LMF1: variants seen among roughly 807,000 people sequenced by gnomAD.
The protein encoded by LMF1 is lipase maturation factor 1.
LMF1 carries 68 observed loss-of-function variants against 60.6 expected under a neutral mutation model. The observed-to-expected ratio is 1.12, with a 90% CI of 0.92 to 1.37. The LOEUF is 1.37. Among genes scored for constraint, LMF1 ranks in the 40% most tolerant of loss-of-function variants. The probability of loss-of-function intolerance (pLI) is 0.00; values close to 1 mark genes in which losing one functional copy is unlikely to be tolerated. For synonymous variants in LMF1, 418 were observed against 324.7 expected, an observed-to-expected ratio of 1.29 and a Z score of -3.09; for missense variants, 948 against 767.2, an observed-to-expected ratio of 1.24 and a Z score of -2.78.
chr16:945,525 C>CAAA lies in LMF1; in HGVS notation c.503+8829_503+8831dup, dbSNP rs72449666. 7.7e-5 allele frequency among the ~76,000 whole-genome samples: 11 copies of CAAA among 143,548 alleles called. No individual in the cohort carries two copies. The South Asian group carries it at 8.8e-4, about 12-fold the overall frequency. 94.2% of individuals were successfully genotyped at this position (143,548 alleles called of 152,430 possible). A position where few individuals can be genotyped will look rare whatever the true frequency, so the allele number is the denominator to read the frequency against. ...TGGGTGACAGAGCAAGAGGCTGTCTCAAAAAAAAAAGAAAAAAGTTCAGCT... is the reference window on the plus strand; with the variant it reads ...TGGGTGACAGAGCAAGAGGCTGTCTCAAAAAAAAAAAAAGAAAAAAGTTCAGCT... On this transcript the variant is annotated intron_variant, in intron 2 of 10. Transcript: ENST00000262301.
intron 1 of LMF1, among the ~76,000 whole-genome samples, chr16:969,227 A>C (rs2072988787): frequency 6.6e-6 from 1 of 152,178 alleles, no homozygotes; most frequent in South Asian, 2.1e-4. Flanking sequence ...AGGCAGGAGA[A>C]TCGCTTGAAC....
intron 3 of LMF1, among the ~76,000 whole-genome samples, chr16:930,375 G>T (rs542224229): frequency 6.6e-6 from 1 of 152,336 alleles, no homozygotes; most frequent in East Asian, 1.9e-4. Context: ...ACCAGCCTGG[G>T]CAGCACAGTG....
Position 874,934 on chromosome 16 carries a change from G to C in LMF1, c.898-3593C>G, listed in dbSNP as rs1247881449. ...CACCCTCTGCCCTGTACGCCTGTGG[G>C]GGCAAAAGCCCTAGTTCAAGACCCC... On this transcript the variant is annotated intron_variant, in intron 6 of 10. Transcript: ENST00000262301. The surrounding 1 kb of genome is among the most constrained non-coding windows in gnomAD (Gnocchi z 4.1). Among the ~76,000 whole-genome samples, 4 of 152,176 alleles carry C rather than the reference G, an allele frequency of 2.6e-5. No homozygotes were observed. Among genetic ancestry groups the C allele is most frequent in the Non-Finnish European group, 5.9e-5 (4 of 68,018 alleles).
intron 3 of LMF1, among the ~76,000 whole-genome samples, chr16:929,005 C>T (rs1442086563): frequency 6.6e-6 from 1 of 152,120 alleles, no homozygotes; most frequent in Non-Finnish European, 1.5e-5. Context: ...CCTGCCCTGG[C>T]GCCTGTGCAC....
chr16:926,201 G>A (rs566558381), intron 3 of LMF1, among the ~76,000 whole-genome samples: 13 of 152,162 alleles, frequency 8.5e-5, no homozygotes, highest in South Asian at 2.1e-4. Flanking sequence ...ATCTGCATAC[G>A]TGGGTCTGTG....
At chr16:929,813 C>T (rs535012254) in intron 3 of LMF1, among the ~76,000 whole-genome samples, 1 of 152,386 alleles carries the variant, frequency 6.6e-6, no homozygotes, top group East Asian at 1.9e-4. Flanking sequence ...CCCTGACGAA[C>T]GCAGCTTCAT....
intron 2 of LMF1, among the ~76,000 whole-genome samples, chr16:953,178 C>CACGG (rs1236613582): frequency 2.4e-5 from 2 of 83,894 alleles, no homozygotes; most frequent in African/African-American, 5.0e-5. Flanking sequence ...TCCACACAGA[C>CACGG]ACCCCAAACC....
At position 879,666 on chromosome 16, in the gene LMF1, C is replaced by G. The variant is rs753874558; in HGVS notation, c.801G>C (p.Thr267=). ...GGAGCTCGATGAAGTGGTTGCTGAG[C>G]GTCTCGAAGCGATGGAACCACCAGG... ...HSPWWFHRFE[T]LSNHFIELLV... The change falls in exon 6 of 11, where the codon ACG becomes ACC. Residue 267 remains threonine, a synonymous_variant. Coordinates refer to ENST00000262301, the MANE Select transcript of LMF1 (RefSeq NM_022773.4). The G allele has an allele frequency of 6.2e-7, 1 of 1,611,118 alleles. No homozygotes were observed. Among genetic ancestry groups the G allele is most frequent in the Middle Eastern group, 1.6e-4 (1 of 6,062 alleles).
intron 4 of LMF1, chr16:905,045 C>T (rs2070937407): frequency 9.3e-6 from 1 of 106,982 alleles, no homozygotes; most frequent in Admixed American, 8.7e-5. Flanking sequence ...TCTGCACTGC[C>T]CGTGGGGACG....
chr16:902,761 G>A (rs1382641644), intron 4 of LMF1, among the ~76,000 whole-genome samples: 1 of 128,718 alleles, frequency 7.8e-6, no homozygotes, highest in African/African-American at 3.1e-5. Context: ...GCGTGGTGGT[G>A]ACCTCTGCAC....
chr16:877,152 G>A (rs960637099), intron 6 of LMF1, among the ~76,000 whole-genome samples: 13 of 152,130 alleles, frequency 8.5e-5, no homozygotes, highest in Admixed American at 1.3e-4. Context: ...GCAACATAGC[G>A]AGACCCCCAG....
In LMF1 at chr16:930,271, G is replaced by A. The variant is rs1481986504; in HGVS notation, c.514+3973C>T. ...CAGTCGCGTCCGTCTGAACAGGGGCGCAGGACCCTGGGACACAGAGCCCAG... is the reference window on the plus strand; with the variant it reads ...CAGTCGCGTCCGTCTGAACAGGGGCACAGGACCCTGGGACACAGAGCCCAG... On this transcript the variant is annotated intron_variant, in intron 3 of 10. Coordinates refer to ENST00000262301, the MANE Select transcript of LMF1 (RefSeq NM_022773.4). Among the ~76,000 whole-genome samples the A allele has an allele frequency of 3.4e-5, 5 of 148,304 alleles. No homozygotes were observed. In the South Asian group the frequency reaches 7.6e-4, roughly 23 times the overall value.
chr16:889,055 C>T (rs2070398394), intron 5 of LMF1, among the ~76,000 whole-genome samples: 1 of 152,162 alleles, frequency 6.6e-6, no homozygotes, highest in African/African-American at 2.4e-5. Context: ...TGGGAGCGGG[C>T]CCTTGGCCTG....
At chr16:893,984 CCTGTCCACCCCA>C (rs1472070525) in intron 4 of LMF1, among the ~76,000 whole-genome samples, 1 of 151,826 alleles carries the variant, frequency 6.6e-6, no homozygotes, top group Non-Finnish European at 1.5e-5. Context: ...GCTCCATCCA[CCTGTCCACCCCA>C]CTGTCCACCC....
At chr16:892,244 G>A (rs1227585938) in intron 5 of LMF1, among the ~76,000 whole-genome samples, 1 of 152,192 alleles carries the variant, frequency 6.6e-6, no homozygotes, top group Admixed American at 6.5e-5. Flanking sequence ...GATGGCTTCC[G>A]CGTGCAGGTG....
In LMF1 at chr16:948,924, C is replaced by T. The variant is rs949615190; in HGVS notation, c.503+5433G>A. ...AGAGTCAGCCAACGACAGAGTCAGC[C>T]AACGACAGAGTCAGAGCCAAGGACA... On this transcript the variant is annotated intron_variant, in intron 2 of 10. Coordinates refer to ENST00000262301, the MANE Select transcript of LMF1 (RefSeq NM_022773.4). Among the ~76,000 whole-genome samples, 6 of 84,754 alleles carry T rather than the reference C, an allele frequency of 7.1e-5. 1 individual carries two copies. Among genetic ancestry groups the T allele is most frequent in the African/African-American group, 1.6e-4 (2 of 12,208 alleles). 55.6% of individuals were successfully genotyped at this position (84,754 alleles called of 152,430 possible).
chr16:863,184 G>A (rs2069516995), intron 10 of LMF1, among the ~76,000 whole-genome samples: 1 of 151,986 alleles, frequency 6.6e-6, no homozygotes, highest in African/African-American at 2.4e-5. Context: ...TTTTCGTTTC[G>A]AGACAGAATC....
Position 922,759 on chromosome 16 carries a change from T to C in LMF1, c.514+11485A>G, listed in dbSNP as rs370623590. Among the ~76,000 whole-genome samples the C allele has an allele frequency of 3.8e-3, 470 of 125,042 alleles. 16 individuals are homozygous for C. The highest frequency in any genetic ancestry group is 0.016 in the African/African-American group (439 of 28,078). 82.0% of individuals were successfully genotyped at this position (125,042 alleles called of 152,430 possible). Reference sequence around the variant, plus strand: ...TGATGTGGTGTTGGCGTCGTGTTGTTGCGAAGGCCCTGTGTGAAAGTCGCC... The same window carrying C: ...TGATGTGGTGTTGGCGTCGTGTTGTCGCGAAGGCCCTGTGTGAAAGTCGCC... On this transcript the variant is annotated intron_variant, in intron 3 of 10. Coordinates refer to ENST00000262301, the MANE Select transcript of LMF1 (RefSeq NM_022773.4).
At chr16:981,081 C>G in intron 1 of LMF1, 1 of 290,416 alleles carries the variant, frequency 3.4e-6, no homozygotes, top group Non-Finnish European at 7.0e-6. Flanking sequence ...CACGCTCGCA[C>G]TCGTATGGGC....
Sources: gnomAD v4.1 joint callset for allele counts (sites outside exome capture counted in the v4.1 genomes callset) on GRCh38, gnomAD v4.1.1 for gene constraint, Gnocchi (gnomAD v3.1) non-coding constraint, MANE v1.5 for transcripts, NCBI Gene and HGNC (gene_info 2026-07-23, HGNC 2026-07-21) for gene names.